IL1A: variants seen among roughly 807,000 people sequenced by gnomAD.
IL1A encodes the protein interleukin-1 alpha.
In IL1A, 16 loss-of-function variants were observed where a neutral mutation model predicts 22.2. The observed-to-expected ratio is 0.72, with a 90% CI of 0.49 to 1.09. IL1A has a LOEUF of 1.09. Among genes scored for constraint, IL1A ranks in the 50% least tolerant of loss-of-function variants. The pLI is 0.00. For missense variants in IL1A, 317 were observed against 321.8 expected, an observed-to-expected ratio of 0.99 and a Z score of 0.11; for synonymous variants, 113 against 118.5, an observed-to-expected ratio of 0.95 and a Z score of 0.30.
chr2:112,782,541 T>C (rs1226018437), intron 3 of IL1A, among the ~76,000 whole-genome samples, 175 bp downstream of exon 3: 4 of 152,252 alleles, frequency 2.6e-5, no homozygotes, highest in Non-Finnish European at 4.4e-5. Context: ...CCAATGCACA[T>C]CAACTATTAG....
At position 112,781,804 on chromosome 2, in the gene IL1A, T is replaced by G. The variant is rs754480930; in HGVS notation, c.119A>C (p.Tyr40Ser). ...CATGCAGCCTTCATGGAGTGGGCCA[T>G]AGCTTACATGATAGAAGGATTTCTG... Reference protein sequence around the residue: ...LNQKSFYHVSYGPLHEGCMDQ... With the variant: ...LNQKSFYHVSSGPLHEGCMDQ... The change falls in exon 4 of 7, where the codon TAT becomes TCT. Residue 40 changes from tyrosine (Y) to serine (S), a missense_variant. Transcript: ENST00000263339. The G allele has an allele frequency of 4.3e-6, 7 of 1,613,396 alleles. No individual in the cohort carries two copies. The African/African-American group carries it at 9.3e-5, about 22-fold the overall frequency.
At chr2:112,777,945 G>C in intron 6 of IL1A, 42 bp downstream of exon 6, 1 of 1,606,306 alleles carries the variant, frequency 6.2e-7, no homozygotes. Context: ...ACAAACATAT[G>C]AGATGTAAAT....
At chr2:112,775,775 C>T (rs1285445181) in intron 6 of IL1A, among the ~76,000 whole-genome samples, 1 of 152,176 alleles carries the variant, frequency 6.6e-6, no homozygotes, top group Non-Finnish European at 1.5e-5. Context: ...TACACACACA[C>T]ACATACACAC....
At chr2:112,781,373 TACAATATGGCTA>T (rs1273826156) in intron 4 of IL1A, among the ~76,000 whole-genome samples, 15 of 152,226 alleles carry the variant, frequency 9.9e-5, no homozygotes, top group Non-Finnish European at 2.2e-4. Flanking sequence ...ACACGACCTT[TACAATATGGCTA>T]AGAAATAATG....
At chr2:112,780,317 T>C (rs1293863970) in intron 4 of IL1A, among the ~76,000 whole-genome samples, 1 of 152,208 alleles carries the variant, frequency 6.6e-6, no homozygotes, top group Non-Finnish European at 1.5e-5. Flanking sequence ...CATGTAGGTA[T>C]GTGTATAGCA....
Position 112,780,977 on chromosome 2 carries a change from G to A in IL1A, c.319+627C>T, listed in dbSNP as rs1481230167. Among the ~76,000 whole-genome samples, 3 of 151,746 alleles carry A rather than the reference G, an allele frequency of 2.0e-5. 1 individual carries two copies. The highest frequency in any genetic ancestry group is 1.3e-4 in the Admixed American group (2 of 15,230). On this transcript the variant is annotated intron_variant, in intron 4 of 6. Transcript: ENST00000263339. Reference sequence around the variant, plus strand: ...AGAGCTTGCAGTGAGCCGAGATTGCGCCACTGCACTCCAGCCTGGGTGACA... The same window carrying A: ...AGAGCTTGCAGTGAGCCGAGATTGCACCACTGCACTCCAGCCTGGGTGACA...
chr2:112,775,359 C>T (rs890468599), intron 6 of IL1A, 92 bp from the exon 7 acceptor site: 1 of 946,784 alleles, frequency 1.1e-6, no homozygotes, highest in Non-Finnish European at 1.7e-6. Flanking sequence ...TCATGAGAAA[C>T]AGCACTTTAG....
At chr2:112,781,540 A>C (rs1681199964) in intron 4 of IL1A, 64 bp downstream of exon 4, 1 of 1,283,038 alleles carries the variant, frequency 7.8e-7, no homozygotes. Flanking sequence ...TTTTCCCCTA[A>C]ATTCTACTGT....
intron 3 of IL1A, 106 bp downstream of exon 3, chr2:112,782,610 G>T: frequency 2.5e-6 from 2 of 808,162 alleles, no homozygotes; most frequent in South Asian, 1.5e-5. Context: ...CCTCTAGTGA[G>T]GGTAAAACAA....
intron 3 of IL1A, among the ~76,000 whole-genome samples, chr2:112,782,494 A>G (rs1681229026): frequency 6.6e-6 from 1 of 152,222 alleles, no homozygotes; most frequent in African/African-American, 2.4e-5. Flanking sequence ...TCCAGTTCTC[A>G]GGGATTTGGG....
intron 5 of IL1A, 83 bp downstream of exon 5, chr2:112,779,413 G>T: frequency 1.2e-5 from 14 of 1,153,168 alleles, no homozygotes; most frequent in South Asian, 5.4e-5. Context: ...TATGTTTTTT[G>T]CAAGCAGAAA....
Position 112,781,672 on chromosome 2 carries a change from C to T in IL1A, c.251G>A (p.Arg84Lys). Residue 84 changes from arginine to lysine, a missense_variant, in exon 4 of 7, where the codon AGA (arginine) becomes AAA (lysine). Physicochemically the swap from Arg to Lys is conservative, Grantham distance 26. Coordinates refer to ENST00000263339, the MANE Select transcript of IL1A (RefSeq NM_000575.5). ...VATNGKVLKK[R>K]RLSLSQSITD... ...GATGGATTGGCTTAAACTCAACCGT[C>T]TCTTCTTCAGAACCTTCCCGTTGGT... The T allele has an allele frequency of 1.2e-6, 2 of 1,614,266 alleles. No individual in the cohort carries two copies. The highest frequency in any genetic ancestry group is 8.5e-7 in the Non-Finnish European group (1 of 1,180,044).
intron 6 of IL1A, among the ~76,000 whole-genome samples, chr2:112,775,506 A>C (rs1206104919): frequency 6.6e-6 from 1 of 152,188 alleles, no homozygotes; most frequent in Non-Finnish European, 1.5e-5. Flanking sequence ...GAGAGATCTA[A>C]ATTAGTTATG....
At position 112,775,335 on chromosome 2, in the gene IL1A, T is replaced by C; in HGVS notation, c.616-68A>G. 5 of 1,298,812 alleles carry C rather than the reference T, an allele frequency of 3.8e-6. No individual in the cohort carries two copies. The South Asian group carries it at 6.1e-5, about 16-fold the overall frequency. 80.5% of individuals were successfully genotyped at this position (1,298,812 alleles called of 1,614,324 possible). ...AGAAAAAGGACTGAAGCTCAATCCC[T>C]TAGCATTTGGCCTTCATGAGAAACA... On this transcript the variant is annotated intron_variant, in intron 6 of 6. Coordinates refer to ENST00000263339, the MANE Select transcript of IL1A (RefSeq NM_000575.5).
chr2:112,782,645 C>T (rs1681232383), intron 3 of IL1A, 71 bp downstream of exon 3: 4 of 1,098,522 alleles, frequency 3.6e-6, no homozygotes, highest in East Asian at 4.7e-5. Flanking sequence ...CAAGTCATTG[C>T]TGTTCTCTTT....
chr2:112,778,544 C>T, intron 5 of IL1A, among the ~76,000 whole-genome samples: 1 of 152,090 alleles, frequency 6.6e-6, no homozygotes, highest in Non-Finnish European at 1.5e-5. Context: ...TTTTTACTTA[C>T]AGAATAATGT....
At chr2:112,778,158 A>G in intron 5 of IL1A, 47 bp from the exon 6 acceptor site, 2 of 1,560,640 alleles carry the variant, frequency 1.3e-6, no homozygotes, top group African/African-American at 1.4e-5. Context: ...TTGTATTTGT[A>G]TAAAATCAAG....
Position 112,775,199 on chromosome 2 carries a change from G to A in IL1A, c.684C>T (p.His228=), listed in dbSNP as rs1389848007. Residue 228 remains histidine, a synonymous_variant, in exon 7 of 7, where the codon CAC becomes CAT. Transcript: ENST00000263339. ...CTGATGTGAAATAGTTCTTAGTGCC[G>A]TGAGTTTCCCAGAAGAAGAGGAGGT... ...ETNLLFFWET[H]GTKNYFTSVA... 3.7e-6 allele frequency: 6 copies of A among 1,614,158 alleles called. No individual in the cohort carries two copies. Among genetic ancestry groups the A allele is most frequent in the Non-Finnish European group, 4.2e-6 (5 of 1,179,978 alleles).
intron 3 of IL1A, among the ~76,000 whole-genome samples, chr2:112,782,427 C>T (rs563796142): frequency 3.3e-5 from 5 of 152,212 alleles, no homozygotes; most frequent in Admixed American, 6.5e-5. Flanking sequence ...AAGCGGCCTG[C>T]GGGGCCTTTC....
Sources: gnomAD v4.1 joint callset for allele counts (sites outside exome capture counted in the v4.1 genomes callset) on GRCh38, gnomAD v4.1.1 for gene constraint, MANE v1.5 for transcripts, NCBI Gene and HGNC (gene_info 2026-07-23, HGNC 2026-07-21) for gene names.